USH2A: variants seen among roughly 807,000 people sequenced by gnomAD.
USH2A encodes usherin, also known as Usher syndrome 2A (autosomal recessive, mild).
Under a neutral mutation model 538.9 loss-of-function variants are expected in USH2A, and 443 were observed. The observed-to-expected ratio is 0.82, with a 90% confidence interval of 0.76 to 0.89. USH2A has a LOEUF of 0.89. Ranked by LOEUF, USH2A falls within the 40% of genes least tolerant of loss-of-function variation. The pLI, the probability that USH2A is intolerant of heterozygous loss-of-function variation, is 0.00. For synonymous variants in USH2A, 2,413 were observed against 2,273.5 expected, an observed-to-expected ratio of 1.06 and a Z score of -1.75; for missense variants, 6,633 against 6,324.8, an observed-to-expected ratio of 1.05 and a Z score of -1.65.
At chr1:215,749,592 G>A (rs1447979450) in intron 58 of USH2A, among the ~76,000 whole-genome samples, 1 of 152,140 alleles carries the variant, frequency 6.6e-6, no homozygotes, top group Non-Finnish European at 1.5e-5. Context: ...AAATGACTGA[G>A]CCCCCTGGTA....
At chr1:215,805,908 A>ACAACTTT (rs1662486850) in intron 49 of USH2A, among the ~76,000 whole-genome samples, 1 of 151,746 alleles carries the variant, frequency 6.6e-6, no homozygotes, top group Non-Finnish European at 1.5e-5. Context: ...CTGCACAAAA[A>ACAACTTT]CAACTTTCAA....
At chr1:216,052,930 A>C (rs1199911202) in intron 30 of USH2A, among the ~76,000 whole-genome samples, 1 of 152,210 alleles carries the variant, frequency 6.6e-6, no homozygotes, top group African/African-American at 2.4e-5. Context: ...CTTTGCTTTA[A>C]GTGTCAGGGT....
At chr1:216,270,873 C>T (rs1455364925) in intron 11 of USH2A, among the ~76,000 whole-genome samples, 4 of 152,000 alleles carry the variant, frequency 2.6e-5, no homozygotes, top group Non-Finnish European at 5.9e-5. Context: ...CTGTGCCTTG[C>T]CTCATCTACT....
chr1:215,808,075 T>G (rs1185953566), intron 49 of USH2A, among the ~76,000 whole-genome samples: 1 of 152,104 alleles, frequency 6.6e-6, no homozygotes, highest in Non-Finnish European at 1.5e-5. Flanking sequence ...TCTTATTCAC[T>G]AATTATTCAG....
chr1:215,958,143 T>TC (rs1667114488), intron 37 of USH2A, among the ~76,000 whole-genome samples: 2 of 152,132 alleles, frequency 1.3e-5, no homozygotes, highest in South Asian at 4.1e-4. Context: ...ATATTTTTTT[T>TC]CCATCTTGTA....
chr1:216,021,174 G>C (rs2365635), intron 32 of USH2A, among the ~76,000 whole-genome samples: 41 of 152,198 alleles, frequency 2.7e-4, no homozygotes, highest in African/African-American at 9.4e-4. Context: ...GTGTCATGAG[G>C]AACAAAAACC....
chr1:216,027,211 G>A (rs778403759), intron 32 of USH2A, among the ~76,000 whole-genome samples: 19 of 152,132 alleles, frequency 1.2e-4, no homozygotes, highest in Non-Finnish European at 2.2e-4. Context: ...TAATTCAATC[G>A]GACAGATGCC....
intron 61 of USH2A, among the ~76,000 whole-genome samples, chr1:215,681,036 A>C (rs1658210997): frequency 6.6e-6 from 1 of 152,214 alleles, no homozygotes. Context: ...AAGTAAAACT[A>C]TGAAACCTAC....
intron 4 of USH2A, among the ~76,000 whole-genome samples, chr1:216,354,620 C>G (rs2038346849): frequency 6.6e-6 from 1 of 151,998 alleles, no homozygotes; most frequent in Non-Finnish European, 1.5e-5. Flanking sequence ...GGCTTAGCAG[C>G]AGCCTAGACA....
chr1:215,929,316 G>A (rs1010165724), intron 38 of USH2A, among the ~76,000 whole-genome samples: 3 of 151,968 alleles, frequency 2.0e-5, no homozygotes, highest in African/African-American at 4.8e-5. Context: ...AAAAATCTTC[G>A]CAAATTATGA....
At chr1:216,234,816 G>T (rs1158603444) in intron 13 of USH2A, among the ~76,000 whole-genome samples, 2 of 152,002 alleles carry the variant, frequency 1.3e-5, no homozygotes, top group African/African-American at 4.8e-5. Context: ...GCAGAAGTTG[G>T]GTAGTCCAAG....
chr1:215,831,719 G>T (rs2102809835), intron 47 of USH2A, among the ~76,000 whole-genome samples: 1 of 152,100 alleles, frequency 6.6e-6, no homozygotes, highest in South Asian at 2.1e-4. Flanking sequence ...TGAGAGAAAA[G>T]AAGAAAGGTC....
At chr1:216,295,472 A>T (rs1279120225) in intron 9 of USH2A, among the ~76,000 whole-genome samples, 2 of 151,922 alleles carry the variant, frequency 1.3e-5, no homozygotes, top group African/African-American at 4.8e-5. Flanking sequence ...ATAGGTAATT[A>T]TATGTATTTG....
Position 216,279,414 on chromosome 1 carries a change from C to T in USH2A, c.1971+9866G>A, listed in dbSNP as rs146549681. 2.8e-3 allele frequency among the ~76,000 whole-genome samples: 421 copies of T among 152,150 alleles called. 1 individual carries two copies. Among genetic ancestry groups the T allele is most frequent in the African/African-American group, 9.8e-3 (406 of 41,514 alleles). Reference sequence around the variant, plus strand: ...AACTGACCAAGAGTATACATGTGCTCGTGAGTACACACTCACAACTCCCCT... The same window carrying T: ...AACTGACCAAGAGTATACATGTGCTTGTGAGTACACACTCACAACTCCCCT... On this transcript the variant is annotated intron_variant, in intron 11 of 71. Coordinates refer to ENST00000307340, the MANE Select transcript of USH2A (RefSeq NM_206933.4).
At chr1:216,033,144 A>T (rs1669168192) in intron 32 of USH2A, among the ~76,000 whole-genome samples, 1 of 152,228 alleles carries the variant, frequency 6.6e-6, no homozygotes, top group South Asian at 2.1e-4. Flanking sequence ...TAAATAAGAC[A>T]GAATCTGAAT....
At chr1:215,913,230 T>C (rs1405091522) in intron 38 of USH2A, among the ~76,000 whole-genome samples, 1 of 152,048 alleles carries the variant, frequency 6.6e-6, no homozygotes, top group East Asian at 1.9e-4. Context: ...GTCACACCAT[T>C]ATGGGCATGA....
intron 26 of USH2A, chr1:216,079,990 A>G (rs2031882701): frequency 6.6e-6 from 1 of 152,132 alleles, no homozygotes; most frequent in South Asian, 2.1e-4. Context: ...TCATCACGTT[A>G]TGAAAAGCAT....
At chr1:216,098,122 G>A (rs965372052) in intron 21 of USH2A, among the ~76,000 whole-genome samples, 1 of 150,174 alleles carries the variant, frequency 6.7e-6, no homozygotes, top group South Asian at 2.1e-4. Flanking sequence ...CCATTACATG[G>A]CCCCATCTCC....
intron 4 of USH2A, among the ~76,000 whole-genome samples, chr1:216,345,600 A>G (rs2038159873): frequency 6.6e-6 from 1 of 152,136 alleles, no homozygotes; most frequent in Admixed American, 6.6e-5. Context: ...AGTTCTGATT[A>G]ATGTGAAAAA....
Sources: allele counts gnomAD v4.1 joint callset (sites outside exome capture counted in the v4.1 genomes callset), GRCh38; gene constraint gnomAD v4.1.1; transcripts MANE v1.5; gene names NCBI Gene and HGNC (gene_info 2026-07-23, HGNC 2026-07-21).